The following ZNF277 variants were observed in gnomAD, a reference collection of about 807,000 sequenced individuals.
ZNF277 encodes the protein nuclear receptor-interacting factor 4.
Under a neutral mutation model 60.7 loss-of-function variants are expected in ZNF277, and 55 were observed. The ratio of observed to expected loss-of-function variants is 0.91; its 90% CI spans 0.73 to 1.13. ZNF277 has a LOEUF of 1.13. ZNF277 is among the 50% of genes most tolerant of loss of function. ZNF277 has a pLI of 0.00. For missense variants in ZNF277, 510 were observed against 523.0 expected (o/e 0.98, Z 0.24); for synonymous variants, 178 against 179.3 (o/e 0.99, Z 0.06).
intron 1 of ZNF277, among the ~76,000 whole-genome samples, chr7:112,249,770 T>G (rs924975750): frequency 2.0e-5 from 3 of 152,226 alleles, no homozygotes; most frequent in African/African-American, 7.2e-5. Context: ...TGTAAAGATT[T>G]CATGGACACT....
intron 1 of ZNF277, among the ~76,000 whole-genome samples, chr7:112,210,043 T>C (rs1441313300): frequency 1.3e-5 from 2 of 152,260 alleles, no homozygotes; most frequent in East Asian, 1.9e-4. Context: ...AAATACCTAA[T>C]GTAAATGACG....
At chr7:112,322,702 G>T (rs913190245) in intron 5 of ZNF277, among the ~76,000 whole-genome samples, 1 of 152,038 alleles carries the variant, frequency 6.6e-6, no homozygotes, top group Non-Finnish European at 1.5e-5. Context: ...TGTCTGGTGT[G>T]TCAACATCTG....
At chr7:112,229,674 G>A (rs887832279) in intron 1 of ZNF277, among the ~76,000 whole-genome samples, 1 of 152,202 alleles carries the variant, frequency 6.6e-6, no homozygotes, top group African/African-American at 2.4e-5. Context: ...CTAATTATGT[G>A]CTAGGCCCTA....
chr7:112,253,157 C>T (rs1192350351), intron 1 of ZNF277, among the ~76,000 whole-genome samples: 2 of 152,120 alleles, frequency 1.3e-5, no homozygotes, highest in Non-Finnish European at 2.9e-5. Context: ...ATTTTGAAGA[C>T]TGTATTGCTA....
At position 112,340,882 on chromosome 7, in the gene ZNF277, C is replaced by G; in HGVS notation, c.1020C>G (p.Phe340Leu). The change falls in exon 11 of 12, where the codon TTC becomes TTG. Residue 340 changes from phenylalanine to leucine, a missense_variant. Coordinates refer to ENST00000361822, the MANE Select transcript of ZNF277 (RefSeq NM_021994.3). ...LKIKSELGLN[F>L]YQQVKLVNFI... is the part of the protein sequence containing the mutation. ...TTTTGTCATTTTCAGGATTAAATTT[C>G]TATCAGCAAGTGAAACTGGTCAATT... The G allele has an allele frequency of 1.2e-6, 2 of 1,609,238 alleles. No homozygotes were observed. The highest frequency in any genetic ancestry group is 1.7e-6 in the Non-Finnish European group (2 of 1,178,298).
intron 4 of ZNF277, among the ~76,000 whole-genome samples, chr7:112,317,973 T>C (rs534146117): frequency 6.6e-6 from 1 of 152,222 alleles, no homozygotes; most frequent in South Asian, 2.1e-4. Context: ...AATTCCCACA[T>C]AGCTGTTAAA....
intron 1 of ZNF277, among the ~76,000 whole-genome samples, chr7:112,269,477 A>C (rs1305727503): frequency 6.6e-6 from 1 of 152,096 alleles, no homozygotes; most frequent in East Asian, 1.9e-4. Context: ...GTTTTGCAGG[A>C]AAAAAACACT....
At chr7:112,338,537 C>T (rs1448474651) in intron 9 of ZNF277, among the ~76,000 whole-genome samples, 4 of 151,998 alleles carry the variant, frequency 2.6e-5, no homozygotes, top group Non-Finnish European at 5.9e-5. Context: ...CTCTCCGTCC[C>T]CTCCCTGCAG....
chr7:112,320,125 AT>A (rs1792942822), intron 5 of ZNF277, among the ~76,000 whole-genome samples: 1 of 152,132 alleles, frequency 6.6e-6, no homozygotes. Context: ...ATGATTTGAA[AT>A]ATCCATATGC....
chr7:112,330,291 T>C lies in ZNF277; in HGVS notation c.801+75T>C, dbSNP rs769563558. 2.1e-6 allele frequency: 3 copies of C among 1,445,792 alleles called. No individual in the cohort carries two copies. In the East Asian group the frequency reaches 6.8e-5, roughly 33 times the overall value. 89.6% of individuals were successfully genotyped at this position (1,445,792 alleles called of 1,614,324 possible). On this transcript the variant is annotated intron_variant, in intron 7 of 11. Coordinates refer to ENST00000361822, the MANE Select transcript of ZNF277 (RefSeq NM_021994.3). ...AAATCTTTCTGAGGACCAACTAATATTTGAATAAGCAATTATTGCAAAAGT... is the reference window on the plus strand; with the variant it reads ...AAATCTTTCTGAGGACCAACTAATACTTGAATAAGCAATTATTGCAAAAGT...
chr7:112,333,851 G>T (rs1487245479), intron 7 of ZNF277, among the ~76,000 whole-genome samples: 1 of 152,190 alleles, frequency 6.6e-6, no homozygotes, highest in East Asian at 1.9e-4. Context: ...TAGTGAGGAT[G>T]GGTTGGGGAT....
At chr7:112,320,817 AAT>A (rs1792961994) in intron 5 of ZNF277, among the ~76,000 whole-genome samples, 1 of 150,754 alleles carries the variant, frequency 6.6e-6, no homozygotes, top group Non-Finnish European at 1.5e-5. Flanking sequence ...ATTTATTTTC[AAT>A]ATGTTTTAGG....
At chr7:112,215,550 T>C (rs912144174) in intron 1 of ZNF277, among the ~76,000 whole-genome samples, 1 of 152,126 alleles carries the variant, frequency 6.6e-6, no homozygotes, top group African/African-American at 2.4e-5. Flanking sequence ...AATAAGAGAG[T>C]CTCTTCTAGT....
chr7:112,251,624 G>C (rs1361940584), intron 1 of ZNF277, among the ~76,000 whole-genome samples: 1 of 152,146 alleles, frequency 6.6e-6, no homozygotes, highest in East Asian at 1.9e-4. Context: ...CTGGGGACCT[G>C]CAATATTCTT....
chr7:112,289,981 C>T (rs1359221471), intron 2 of ZNF277, among the ~76,000 whole-genome samples: 2 of 151,928 alleles, frequency 1.3e-5, no homozygotes, highest in East Asian at 1.9e-4. Context: ...CATGCTGGTG[C>T]GCTGCACCTA....
intron 7 of ZNF277, among the ~76,000 whole-genome samples, chr7:112,333,083 A>G (rs1049447555): frequency 5.3e-5 from 8 of 152,134 alleles, no homozygotes; most frequent in African/African-American, 1.9e-4. Flanking sequence ...CGTGAAGAAC[A>G]TGAGTAATAA....
At chr7:112,336,303 A>AT in intron 8 of ZNF277, 132 bp downstream of exon 8, 1 of 666,980 alleles carries the variant, frequency 1.5e-6, no homozygotes. Context: ...GCATCCCTTC[A>AT]TGTAATGTGG....
rs1791867218 is a variant in ZNF277 at position 112,278,519 on chromosome 7, G to A, written c.92-8354G>A. 2.6e-5 allele frequency among the ~76,000 whole-genome samples: 4 copies of A among 152,176 alleles called. No individual in the cohort carries two copies. In the South Asian group the frequency reaches 8.3e-4, roughly 31 times the overall value. On this transcript the variant is annotated intron_variant, in intron 1 of 11. Transcript: ENST00000361822. Reference sequence around the variant, plus strand: ...AACTAACCTATAATTGACCATGTGTGTCAGACACTCATGTGCTTTACATTA... The same window carrying A: ...AACTAACCTATAATTGACCATGTGTATCAGACACTCATGTGCTTTACATTA...
intron 1 of ZNF277, among the ~76,000 whole-genome samples, chr7:112,224,946 C>G (rs1025108849): frequency 2.1e-4 from 32 of 152,100 alleles, no homozygotes; most frequent in African/African-American, 7.7e-4. Flanking sequence ...AGTTCAAGAC[C>G]ATCTTGGGCA....
Sources: allele counts gnomAD v4.1 joint callset (sites outside exome capture counted in the v4.1 genomes callset), GRCh38; gene constraint gnomAD v4.1.1; transcripts MANE v1.5; gene names NCBI Gene and HGNC (gene_info 2026-07-23, HGNC 2026-07-21).